Variants in CMTR1 observed in about 807,000 individuals in gnomAD.
The protein encoded by CMTR1 is cap-specific mRNA (nucleoside-2'-O-)-methyltransferase 1.
A neutral mutation model predicts 107.0 loss-of-function variants in CMTR1; 39 were observed. The observed-to-expected ratio is 0.36, with a 90% confidence interval of 0.28 to 0.48. The LOEUF (loss-of-function observed/expected upper bound fraction) is 0.48. Among genes scored for constraint, CMTR1 ranks in the 20% least tolerant of loss-of-function variants. CMTR1 has a pLI of 0.99. For missense variants in CMTR1, 672 were observed against 1,064.9 expected, an observed-to-expected ratio of 0.63 and a Z score of 5.14; for synonymous variants, 366 against 379.5, an observed-to-expected ratio of 0.96 and a Z score of 0.41.
intron 19 of CMTR1, chr6:37,475,784 A>C: frequency 2.1e-6 from 1 of 478,398 alleles, no homozygotes; most frequent in Non-Finnish European, 3.8e-6. Flanking sequence ...GAGTGGGTGC[A>C]CTGTAGTTTC....
At chr6:37,434,190 C>T (rs1410912619) in intron 1 of CMTR1, among the ~76,000 whole-genome samples, 1 of 151,820 alleles carries the variant, frequency 6.6e-6, no homozygotes, top group South Asian at 2.1e-4. Flanking sequence ...CGGTTCTTCC[C>T]TGGGACAGCC....
intron 12 of CMTR1, 67 bp downstream of exon 12, chr6:37,462,169 A>G (rs1581743380): frequency 6.3e-7 from 1 of 1,576,820 alleles, no homozygotes; most frequent in Admixed American, 1.7e-5. Flanking sequence ...ATCATGGTGC[A>G]TCTCTCTGGC....
intron 19 of CMTR1, chr6:37,475,861 C>G: frequency 5.8e-6 from 3 of 521,608 alleles, no homozygotes; most frequent in Non-Finnish European, 1.0e-5. Context: ...GTGGAGGTGA[C>G]TGAGCACAGC....
rs1360843470 is a variant in CMTR1 at position 37,471,030 on chromosome 6, T to C, written c.1515T>C (p.Ser505=). Residue 505 remains serine (S), a synonymous_variant, in exon 14 of 24, where the codon AGT becomes AGC. Transcript: ENST00000373451. ...YMIRSNESHC[S]LQIKALAKIH... is the part of the protein sequence containing the mutation. ...TTTTTTTTTCTTCTAGCCACTGTAG[T>C]CTGCAGATCAAAGCTCTGGCGAAAA... The C allele has an allele frequency of 6.2e-7, 1 of 1,605,142 alleles. No individual in the cohort carries two copies. Among genetic ancestry groups the C allele is most frequent in the South Asian group, 1.1e-5 (1 of 89,290 alleles).
intron 1 of CMTR1, among the ~76,000 whole-genome samples, chr6:37,434,726 C>T (rs1435930042): frequency 2.6e-5 from 4 of 151,970 alleles, no homozygotes; most frequent in Non-Finnish European, 5.9e-5. Context: ...GCAATTCAAG[C>T]GGTTCTCCTG....
intron 3 of CMTR1, 61 bp downstream of exon 3, chr6:37,444,211 T>A: frequency 6.4e-7 from 1 of 1,564,304 alleles, no homozygotes; most frequent in Non-Finnish European, 8.6e-7. Context: ...GAAGGGCAAT[T>A]TGTATTTGTA....
upstream of CMTR1, among the ~76,000 whole-genome samples, chr6:37,429,047 T>C (rs1202055675): frequency 6.6e-6 from 1 of 152,216 alleles, no homozygotes; most frequent in Admixed American, 6.5e-5. Flanking sequence ...GACATAAGTA[T>C]TGGATCGTCT....
chr6:37,469,903 C>T (rs1761587889), intron 13 of CMTR1, among the ~76,000 whole-genome samples: 1 of 150,556 alleles, frequency 6.6e-6, no homozygotes, highest in Admixed American at 6.6e-5. Flanking sequence ...CTATTGTCCC[C>T]AATACCTAGA....
chr6:37,465,501 T>C (rs1231510078), intron 13 of CMTR1, among the ~76,000 whole-genome samples: 1 of 152,210 alleles, frequency 6.6e-6, no homozygotes, highest in African/African-American at 2.4e-5. Flanking sequence ...TGGCTATTTG[T>C]ATATCTTATT....
chr6:37,474,967 G>A (rs1356856989), intron 18 of CMTR1, among the ~76,000 whole-genome samples: 3 of 152,178 alleles, frequency 2.0e-5, no homozygotes. Flanking sequence ...CAAGAGACTT[G>A]TTTCTCAGGA....
chr6:37,435,092 A>T (rs1364318034), intron 1 of CMTR1, among the ~76,000 whole-genome samples: 1 of 152,126 alleles, frequency 6.6e-6, no homozygotes, highest in Non-Finnish European at 1.5e-5. Flanking sequence ...CAATTCTTTC[A>T]TGTTTTCAAA....
intron 12 of CMTR1, 70 bp downstream of exon 12, chr6:37,462,172 T>C (rs1761414516): frequency 6.4e-7 from 1 of 1,561,920 alleles, no homozygotes. Context: ...ATGGTGCATC[T>C]CTCTGGCATG....
At chr6:37,473,948 C>T (rs1761679369) in intron 17 of CMTR1, among the ~76,000 whole-genome samples, 1 of 152,228 alleles carries the variant, frequency 6.6e-6, no homozygotes, top group Admixed American at 6.5e-5. Context: ...CCACCCCATG[C>T]CATCCCATCC....
intron 4 of CMTR1, among the ~76,000 whole-genome samples, chr6:37,446,939 G>C (rs921940316): frequency 6.6e-6 from 1 of 152,182 alleles, no homozygotes; most frequent in Non-Finnish European, 1.5e-5. Flanking sequence ...CTTTTCTACT[G>C]TGGGTTTAGT....
At chr6:37,469,071 G>T (rs1449184156) in intron 13 of CMTR1, among the ~76,000 whole-genome samples, 6 of 151,956 alleles carry the variant, frequency 3.9e-5, no homozygotes, top group Non-Finnish European at 7.4e-5. Context: ...GGAGATGGAG[G>T]CTGCAGTGAG....
upstream of CMTR1, among the ~76,000 whole-genome samples, chr6:37,432,228 T>C (rs79914708): frequency 8.1e-3 from 1,231 of 152,278 alleles, 6 homozygotes; most frequent in Middle Eastern, 0.041. Context: ...TCAGAGGCCA[T>C]TTTAAGGACA....
upstream of CMTR1, among the ~76,000 whole-genome samples, chr6:37,431,963 G>C (rs984179030): frequency 6.6e-6 from 1 of 152,082 alleles, no homozygotes; most frequent in Non-Finnish European, 1.5e-5. Flanking sequence ...CTATAGGTGC[G>C]CACCACCACA....
rs780541800 is a variant in CMTR1, at chr6:37,480,203, C to CG, written c.*58_*59insG. 6.2e-4 allele frequency: 980 copies of CG among 1,589,282 alleles called. 5 individuals carry two copies. Among genetic ancestry groups the CG allele is most frequent in the Non-Finnish European group, 8.1e-4 (947 of 1,171,358 alleles). On this transcript the variant is annotated 3_prime_UTR_variant, in exon 24 of 24. Coordinates refer to ENST00000373451, the MANE Select transcript of CMTR1 (RefSeq NM_015050.3). ...CCTGTCATTCCTGAGATGGGGCCAC[C>CG]TGGGGCCCACAGTGCTGGCTTCTTC... is the stretch of plus-strand genomic sequence containing the variant.
At chr6:37,459,795 C>T (rs1452664515) in intron 10 of CMTR1, 111 bp downstream of exon 10, 3 of 790,320 alleles carry the variant, frequency 3.8e-6, no homozygotes, top group South Asian at 1.4e-5. Flanking sequence ...TGGTATTTCA[C>T]AGTTCAGATT....
Sources: allele counts gnomAD v4.1 joint callset (sites outside exome capture counted in the v4.1 genomes callset), GRCh38; gene constraint gnomAD v4.1.1; transcripts MANE v1.5; gene names NCBI Gene and HGNC (gene_info 2026-07-23, HGNC 2026-07-21).